The following CYP7B1 variants were observed in gnomAD, a reference collection of about 807,000 sequenced individuals.
The protein encoded by CYP7B1 is cytochrome P450 7B1.
CYP7B1 carries 29 observed loss-of-function variants against 42.7 expected under a neutral mutation model. That is an observed-to-expected ratio of 0.68 (90% CI 0.51 to 0.93). CYP7B1 has a LOEUF of 0.93. CYP7B1 is among the 40% of genes least tolerant of loss of function. The pLI, the probability that CYP7B1 is intolerant of heterozygous loss-of-function variation, is 0.00. For missense variants in CYP7B1, 655 were observed against 600.5 expected (o/e 1.09, Z -0.95); for synonymous variants, 235 against 218.2 (o/e 1.08, Z -0.68).
chr8:64,633,776 T>C (rs1448362874), intron 1 of CYP7B1, among the ~76,000 whole-genome samples: 2 of 152,114 alleles, frequency 1.3e-5, no homozygotes, highest in Non-Finnish European at 2.9e-5. Flanking sequence ...ATTCTGAAGT[T>C]TATATGGAAA....
intron 1 of CYP7B1, among the ~76,000 whole-genome samples, chr8:64,733,928 C>T (rs1022739709): frequency 6.6e-6 from 1 of 151,940 alleles, no homozygotes; most frequent in Non-Finnish European, 1.5e-5. Context: ...TATGATTGTG[C>T]CCCTGCACTT....
At chr8:64,614,690 C>T (rs1194327469) in intron 4 of CYP7B1, among the ~76,000 whole-genome samples, 1 of 152,172 alleles carries the variant, frequency 6.6e-6, no homozygotes, top group Non-Finnish European at 1.5e-5. Context: ...CTAAATACTT[C>T]TTGACAAGAT....
chr8:64,624,651 C>T, intron 1 of CYP7B1, 112 bp from the exon 2 acceptor site: 2 of 1,217,826 alleles, frequency 1.6e-6, no homozygotes, highest in Non-Finnish European at 1.2e-6. Context: ...GATTGCACTG[C>T]TTCTTTCTAT....
At chr8:64,601,700 A>T (rs1166462258) in intron 5 of CYP7B1, among the ~76,000 whole-genome samples, 1 of 152,200 alleles carries the variant, frequency 6.6e-6, no homozygotes, top group Non-Finnish European at 1.5e-5. Flanking sequence ...TTGTGTTTTA[A>T]ATTTCATTTT....
intron 1 of CYP7B1, among the ~76,000 whole-genome samples, chr8:64,674,347 C>T (rs1806411521): frequency 6.6e-6 from 1 of 152,078 alleles, no homozygotes. Flanking sequence ...ACACCTTTGT[C>T]ACTGGCACAG....
chr8:64,696,409 A>G (rs987441529), intron 1 of CYP7B1, among the ~76,000 whole-genome samples: 5 of 152,214 alleles, frequency 3.3e-5, no homozygotes, highest in Non-Finnish European at 7.3e-5. Flanking sequence ...ATATATGTGG[A>G]AACTATAAAC....
At chr8:64,621,505 GA>G (rs1234072421) in intron 2 of CYP7B1, among the ~76,000 whole-genome samples, 2 of 152,088 alleles carry the variant, frequency 1.3e-5, no homozygotes, top group Non-Finnish European at 2.9e-5. Flanking sequence ...GCAAGATAAA[GA>G]AAACCCAGAG....
intron 1 of CYP7B1, among the ~76,000 whole-genome samples, chr8:64,625,065 C>T (rs1805590372): frequency 7.0e-6 from 1 of 143,502 alleles, no homozygotes; most frequent in Non-Finnish European, 1.5e-5. Context: ...GCTGCGCCTC[C>T]CGGGTTCACG....
chr8:64,608,885 C>G (rs1230353204), intron 4 of CYP7B1, among the ~76,000 whole-genome samples: 1 of 152,194 alleles, frequency 6.6e-6, no homozygotes, highest in East Asian at 1.9e-4. Flanking sequence ...GTACAAATGC[C>G]TATCTTCACT....
At chr8:64,711,240 T>C (rs1279027378) in intron 1 of CYP7B1, among the ~76,000 whole-genome samples, 2 of 152,214 alleles carry the variant, frequency 1.3e-5, no homozygotes, top group African/African-American at 4.8e-5. Context: ...GAGAGATCTG[T>C]TGCTACAACT....
chr8:64,649,974 T>C (rs952903608), intron 1 of CYP7B1, among the ~76,000 whole-genome samples: 2 of 152,254 alleles, frequency 1.3e-5, no homozygotes, highest in African/African-American at 4.8e-5. Flanking sequence ...TCATCAGACA[T>C]ATAATTTGCA....
chr8:64,607,398 T>TAA (rs5891968), intron 4 of CYP7B1, among the ~76,000 whole-genome samples: 28 of 144,004 alleles, frequency 1.9e-4, no homozygotes, highest in East Asian at 1.0e-3. Context: ...GCTCTAGAAT[T>TAA]AAAAAAAAAA....
chr8:64,672,855 A>G (rs1173284900), intron 1 of CYP7B1, among the ~76,000 whole-genome samples: 1 of 152,148 alleles, frequency 6.6e-6, no homozygotes, highest in Non-Finnish European at 1.5e-5. Flanking sequence ...GCAATCATCA[A>G]TGAGTGAGCC....
intron 1 of CYP7B1, among the ~76,000 whole-genome samples, chr8:64,790,822 AG>A (rs1804605326): frequency 6.6e-6 from 1 of 152,202 alleles, no homozygotes; most frequent in African/African-American, 2.4e-5. Context: ...CCTAACCTCT[AG>A]TACCTCAGAA....
intron 1 of CYP7B1, among the ~76,000 whole-genome samples, chr8:64,628,416 A>C (rs1264405154): frequency 3.3e-5 from 5 of 152,154 alleles, no homozygotes; most frequent in African/African-American, 1.2e-4. Context: ...TGGGAGGCTG[A>C]GGGCAGGTCA....
intron 1 of CYP7B1, among the ~76,000 whole-genome samples, chr8:64,653,442 T>C (rs773331433): frequency 6.6e-6 from 1 of 151,990 alleles, no homozygotes; most frequent in South Asian, 2.1e-4. Context: ...CTCTCAAGAC[T>C]GAACCAGGAA....
At chr8:64,690,536 A>G (rs569350882) in intron 1 of CYP7B1, among the ~76,000 whole-genome samples, 40 of 152,274 alleles carry the variant, frequency 2.6e-4, no homozygotes, top group African/African-American at 8.4e-4. Context: ...AAAAATTTCT[A>G]ATTTCTTTTT....
At chr8:64,603,416 G>T (rs1014776747) in intron 5 of CYP7B1, among the ~76,000 whole-genome samples, 2 of 152,050 alleles carry the variant, frequency 1.3e-5, no homozygotes, top group African/African-American at 4.8e-5. Context: ...TTACCATCAT[G>T]ATATGAATAG....
chr8:64,686,571 G>A (rs1327173548), intron 1 of CYP7B1, among the ~76,000 whole-genome samples: 6 of 56,168 alleles, frequency 1.1e-4, no homozygotes, highest in African/African-American at 4.1e-4. Context: ...CTGCCCGGCC[G>A]CCCCTACTGG....
Sources: allele counts gnomAD v4.1 joint callset (sites outside exome capture counted in the v4.1 genomes callset), GRCh38; gene constraint gnomAD v4.1.1; transcripts MANE v1.5; gene names NCBI Gene and HGNC (gene_info 2026-07-23, HGNC 2026-07-21).